The following LPIN2 variants were observed in gnomAD, a reference collection of about 807,000 sequenced individuals.
The protein encoded by LPIN2 is phosphatidate phosphatase LPIN2.
LPIN2 carries 55 observed loss-of-function variants against 111.4 expected under a neutral mutation model. The observed-to-expected ratio is 0.49, with a 90% confidence interval of 0.40 to 0.62. LPIN2 has a LOEUF of 0.62. Ranked by LOEUF, LPIN2 falls within the 20% of genes least tolerant of loss-of-function variation. LPIN2 has a pLI of 0.00. For synonymous variants in LPIN2, 425 were observed against 414.0 expected (o/e 1.03, Z -0.32); for missense variants, 992 against 1,112.1 (o/e 0.89, Z 1.54).
intron 4 of LPIN2, among the ~76,000 whole-genome samples, chr18:2,943,972 G>A (rs572504693): frequency 1.3e-5 from 2 of 152,174 alleles, no homozygotes; most frequent in Non-Finnish European, 2.9e-5. Context: ...CAAATGCCAA[G>A]GAAAAGAAAA....
At position 2,946,186 on chromosome 18, in the gene LPIN2, C is replaced by G. The variant is rs756797943; in HGVS notation, c.590+4869G>C. The G allele has an allele frequency of 1.4e-5, 23 of 1,609,452 alleles. No individual in the cohort carries two copies. In the African/African-American group the frequency reaches 2.8e-4, roughly 20 times the overall value. On this transcript the variant is annotated intron_variant, in intron 4 of 19. Transcript: ENST00000677752. ...TTAGGGAGGCAGATATTTTTAATTCCAAATTTGTCATTGGTTCATCTGGGC... is the reference window on the plus strand; with the variant it reads ...TTAGGGAGGCAGATATTTTTAATTCGAAATTTGTCATTGGTTCATCTGGGC...
At chr18:2,982,641 G>T in intron 1 of LPIN2, 1 of 1,108,128 alleles carries the variant, frequency 9.0e-7, no homozygotes, top group Non-Finnish European at 1.2e-6. Flanking sequence ...AGCGAAGGGA[G>T]CAGGGACATT....
intron 1 of LPIN2, among the ~76,000 whole-genome samples, chr18:3,003,838 G>C (rs374302377): frequency 6.6e-6 from 1 of 152,156 alleles, no homozygotes; most frequent in Non-Finnish European, 1.5e-5. Context: ...CTGCCTGCGG[G>C]GTCGGGCAGA....
chr18:2,958,162 A>AAC, intron 2 of LPIN2, among the ~76,000 whole-genome samples: 1 of 15,328 alleles, frequency 6.5e-5, no homozygotes, highest in African/African-American at 2.3e-4. Context: ...AAAAAACAAC[A>AAC]AAAAAAAAAA....
chr18:2,940,498 G>T, intron 5 of LPIN2, 107 bp downstream of exon 5: 1 of 696,186 alleles, frequency 1.4e-6, no homozygotes, highest in Non-Finnish European at 2.6e-6. Flanking sequence ...TCAGTTCCTT[G>T]GCTGTGTGAG....
rs2076988921 is a variant in LPIN2, at chr18:2,917,599, T to A, written c.*2694A>T. ...TTTAGGACATCCCATTTTTAAGTTT[T>A]TTCTTTTTCCAGTTGAAAACTATGC... On this transcript the variant is annotated 3_prime_UTR_variant, in exon 20 of 20. Transcript: ENST00000677752. 1 of 152,202 alleles carries A rather than the reference T, an allele frequency of 6.6e-6. No individual in the cohort carries two copies. The highest frequency in any genetic ancestry group is 1.5e-5 in the Non-Finnish European group (1 of 68,052). The allele number at this position is 152,202 out of a possible 1,614,324, so 9.4% of individuals were successfully genotyped here.
At chr18:2,957,915 C>T (rs2077636908) in intron 2 of LPIN2, among the ~76,000 whole-genome samples, 1 of 151,712 alleles carries the variant, frequency 6.6e-6, no homozygotes, top group Admixed American at 6.6e-5. Context: ...CTTTGGGAGG[C>T]CAAGGCGGGT....
intron 4 of LPIN2, among the ~76,000 whole-genome samples, chr18:2,942,398 C>T (rs1003408356): frequency 3.9e-5 from 6 of 152,198 alleles, no homozygotes; most frequent in Admixed American, 3.9e-4. Context: ...TGAAAGGACA[C>T]ATCAGCTTGA....
chr18:2,969,715 G>A (rs923120058), intron 1 of LPIN2, among the ~76,000 whole-genome samples: 18 of 152,228 alleles, frequency 1.2e-4, no homozygotes, highest in Admixed American at 2.0e-4. Flanking sequence ...ACAAATACAC[G>A]CTCATGAACC....
chr18:2,978,094 G>GGA (rs1475058807), intron 1 of LPIN2, among the ~76,000 whole-genome samples: 2 of 152,006 alleles, frequency 1.3e-5, no homozygotes, highest in Non-Finnish European at 2.9e-5. Flanking sequence ...GGCTGAGGCA[G>GGA]GAGAACTGCT....
chr18:2,979,018 G>C (rs917670724), intron 1 of LPIN2: 1 of 152,368 alleles, frequency 6.6e-6, no homozygotes, highest in Non-Finnish European at 1.5e-5. Context: ...ACAGTGAACA[G>C]AGCTGAAGAA....
Position 2,928,754 on chromosome 18 carries a change from C to A in LPIN2, c.1551-94G>T, listed in dbSNP as rs2144149009. 3 of 921,964 alleles carry A rather than the reference C, an allele frequency of 3.3e-6. No homozygotes were observed. The Middle Eastern group carries it at 7.1e-4, about 220-fold the overall frequency. 57.1% of individuals were successfully genotyped at this position (921,964 alleles called of 1,614,324 possible). A position where few individuals can be genotyped will look rare whatever the true frequency, so the allele number is the denominator to read the frequency against. On this transcript the variant is annotated intron_variant, in intron 10 of 19. Transcript: ENST00000677752. ...AGGGAGGGAGGGAGGAGGGAAGTGA[C>A]ATATAAAATTGCTTATTCTTTTCAA...
At chr18:2,960,432 G>A (rs753956264) in intron 2 of LPIN2, among the ~76,000 whole-genome samples, 9 of 150,442 alleles carry the variant, frequency 6.0e-5, no homozygotes, top group African/African-American at 1.5e-4. Context: ...TTCTGCAGTC[G>A]AGCTTTGTGG....
chr18:2,932,872 C>T (rs550049504), intron 8 of LPIN2, among the ~76,000 whole-genome samples: 1 of 152,184 alleles, frequency 6.6e-6, no homozygotes, highest in African/African-American at 2.4e-5. Context: ...AAGGCCTCCC[C>T]CTAAACACCA....
chr18:2,936,248 T>C (rs867347609), intron 7 of LPIN2, among the ~76,000 whole-genome samples: 5 of 152,220 alleles, frequency 3.3e-5, no homozygotes, highest in Non-Finnish European at 5.9e-5. Context: ...ATTGGCTATA[T>C]ATGATGTTGG....
chr18:2,942,356 C>T (rs2077377726), intron 4 of LPIN2, among the ~76,000 whole-genome samples: 1 of 152,146 alleles, frequency 6.6e-6, no homozygotes, highest in Admixed American at 6.5e-5. Flanking sequence ...AAGGGAAAAT[C>T]AGGTTTGTGA....
chr18:3,002,415 TC>T (rs1253479543), intron 1 of LPIN2, among the ~76,000 whole-genome samples: 2 of 152,146 alleles, frequency 1.3e-5, no homozygotes. Flanking sequence ...TATGAACTAA[TC>T]AGCAGATTTT....
chr18:2,952,839 T>C (rs1231334585), intron 3 of LPIN2, among the ~76,000 whole-genome samples: 1 of 152,244 alleles, frequency 6.6e-6, no homozygotes, highest in Non-Finnish European at 1.5e-5. Context: ...AACTATGGTA[T>C]GTCCATACTA....
chr18:3,008,828 T>C (rs2078556014), intron 1 of LPIN2, among the ~76,000 whole-genome samples: 1 of 151,700 alleles, frequency 6.6e-6, no homozygotes, highest in South Asian at 2.1e-4. Flanking sequence ...CCTCTGACCT[T>C]AGCCTCCTGA....
Sources: gnomAD v4.1 joint callset for allele counts (sites outside exome capture counted in the v4.1 genomes callset) on GRCh38, gnomAD v4.1.1 for gene constraint, MANE v1.5 for transcripts, NCBI Gene and HGNC (gene_info 2026-07-23, HGNC 2026-07-21) for gene names.